Variants in NFAM1 observed in about 807,000 individuals in gnomAD.
NFAM1 encodes NFAT activation molecule 1.
A neutral mutation model predicts 29.0 loss-of-function variants in NFAM1; 17 were observed. That is an observed-to-expected ratio of 0.59 (90% CI 0.40 to 0.88). The LOEUF is 0.88. Among genes scored for constraint, NFAM1 ranks in the 40% least tolerant of loss-of-function variants. The pLI, the probability that NFAM1 is intolerant of heterozygous loss-of-function variation, is 0.00. For missense variants in NFAM1, 324 were observed against 344.6 expected, an observed-to-expected ratio of 0.94 and a Z score of 0.47; for synonymous variants, 175 against 147.2, an observed-to-expected ratio of 1.19 and a Z score of -1.36.
chr22:42,415,857 G>A (rs1930244853), intron 1 of NFAM1, among the ~76,000 whole-genome samples: 1 of 152,168 alleles, frequency 6.6e-6, no homozygotes, highest in Non-Finnish European at 1.5e-5. Flanking sequence ...CATTGAAGGG[G>A]TACCAGTTAG....
upstream of NFAM1, among the ~76,000 whole-genome samples, chr22:42,432,929 C>T (rs987788484): frequency 1.3e-5 from 2 of 152,074 alleles, no homozygotes; most frequent in African/African-American, 4.8e-5. Context: ...GGCTGCCCAT[C>T]ATTCACCCAG....
At chr22:42,426,270 G>A (rs1004671326) in intron 1 of NFAM1, among the ~76,000 whole-genome samples, 1 of 152,152 alleles carries the variant, frequency 6.6e-6, no homozygotes, top group African/African-American at 2.4e-5. Context: ...GTTATGCTCT[G>A]TGGACCTCTG....
upstream of NFAM1, among the ~76,000 whole-genome samples, chr22:42,433,330 G>C (rs1050275559): frequency 6.6e-6 from 1 of 152,326 alleles, no homozygotes; most frequent in East Asian, 1.9e-4. Flanking sequence ...CATGCTGAGC[G>C]CTTACCTCCC....
intron 5 of NFAM1, among the ~76,000 whole-genome samples, 183 bp downstream of exon 5, chr22:42,386,806 G>A (rs559256199): frequency 6.6e-6 from 1 of 152,202 alleles, no homozygotes; most frequent in East Asian, 1.9e-4. Flanking sequence ...CAGTGGCTAA[G>A]GGACAGAGCA....
chr22:42,418,340 A>C (rs542643985), intron 1 of NFAM1, among the ~76,000 whole-genome samples: 1 of 152,320 alleles, frequency 6.6e-6, no homozygotes, highest in South Asian at 2.1e-4. Flanking sequence ...GCCACGGGCC[A>C]GGCTGCCTTT....
intron 2 of NFAM1, among the ~76,000 whole-genome samples, chr22:42,410,946 C>G (rs902285685): frequency 6.6e-6 from 1 of 152,004 alleles, no homozygotes. Flanking sequence ...TAGGCCGGGG[C>G]TCCCTGAAGT....
At chr22:42,425,412 C>T (rs1217903593) in intron 1 of NFAM1, among the ~76,000 whole-genome samples, 2 of 152,154 alleles carry the variant, frequency 1.3e-5, no homozygotes, top group Admixed American at 1.3e-4. Context: ...ACTTGGCTAG[C>T]TCACTTTTAT....
chr22:42,435,815 CTTTT>C (rs890914167), upstream of NFAM1, among the ~76,000 whole-genome samples: 4 of 94,228 alleles, frequency 4.2e-5, no homozygotes, highest in East Asian at 2.4e-4. Flanking sequence ...TTTTCTTCTT[CTTTT>C]TTTTTTTTTT....
At chr22:42,394,212 AT>A (rs1426478976) in intron 4 of NFAM1, among the ~76,000 whole-genome samples, 2 of 151,278 alleles carry the variant, frequency 1.3e-5, no homozygotes, top group African/African-American at 4.9e-5. Context: ...ATTTTTTTGT[AT>A]TTTTAGTAGA....
chr22:42,395,401 G>A (rs1929486837), intron 4 of NFAM1, among the ~76,000 whole-genome samples: 1 of 151,792 alleles, frequency 6.6e-6, no homozygotes. Flanking sequence ...GCTTGAACAG[G>A]GGAGACAGAG....
chr22:42,387,278 C>G (rs914711559), intron 4 of NFAM1, among the ~76,000 whole-genome samples, 200 bp from the exon 5 acceptor site: 3 of 152,162 alleles, frequency 2.0e-5, no homozygotes, highest in African/African-American at 4.8e-5. Context: ...TGACCCCTCT[C>G]TGTTCTCGGC....
chr22:42,430,556 CAAA>C lies in NFAM1; in HGVS notation c.121+1678_121+1680del, dbSNP rs10684230. On this transcript the variant is annotated intron_variant, in intron 1 of 5. Coordinates refer to ENST00000329021, the MANE Select transcript of NFAM1 (RefSeq NM_145912.8). Reference sequence around the variant, plus strand: ...GCCTGAGTGACAAGAGTGAAACTCTCAAAAAAAAAAAAAAAAAAAAAAATCATG... The same window carrying C: ...GCCTGAGTGACAAGAGTGAAACTCTCAAAAAAAAAAAAAAAAAAAATCATG... 1.6e-3 allele frequency among the ~76,000 whole-genome samples: 119 copies of C among 72,952 alleles called. 1 individual carries two copies. Among genetic ancestry groups the C allele is most frequent in the African/African-American group, 6.0e-3 (110 of 18,212 alleles). The allele number at this position is 72,952 out of a possible 152,430, so 47.9% of individuals were successfully genotyped here.
intron 5 of NFAM1, among the ~76,000 whole-genome samples, chr22:42,385,604 C>T (rs1446563113): frequency 6.6e-6 from 1 of 152,096 alleles, no homozygotes; most frequent in Non-Finnish European, 1.5e-5. Context: ...CCCTCCCCAC[C>T]CTGGCTGGTC....
At chr22:42,431,166 C>T (rs1229893132) in intron 1 of NFAM1, among the ~76,000 whole-genome samples, 7 of 152,190 alleles carry the variant, frequency 4.6e-5, no homozygotes, top group Admixed American at 2.0e-4. Context: ...CTCTACTTAC[C>T]GGCTAGGTCT....
In NFAM1 at chr22:42,409,995, G is replaced by A. The variant is rs1038085052; in HGVS notation, c.452-448C>T. 6.6e-6 allele frequency among the ~76,000 whole-genome samples: 1 copy of A among 152,120 alleles called. No individual in the cohort carries two copies. The highest frequency in any genetic ancestry group is 2.4e-5 in the African/African-American group (1 of 41,426). On this transcript the variant is annotated intron_variant, in intron 2 of 5. Transcript: ENST00000329021. The surrounding 1 kb of genome is among the most constrained non-coding windows in gnomAD (Gnocchi z 4.9). ...GCCCTCCTACCCCATGCCATCCCCA[G>A]TCCCTCCTGCTGGCATCCAGTCCTC... is the stretch of plus-strand genomic sequence containing the variant.
chr22:42,394,073 C>A (rs1391859786), intron 4 of NFAM1, among the ~76,000 whole-genome samples: 1 of 151,046 alleles, frequency 6.6e-6, no homozygotes, highest in Admixed American at 6.6e-5. Flanking sequence ...TTCGCTCTTG[C>A]TGCCCAGGCT....
chr22:42,410,572 T>C (rs1247180104), intron 2 of NFAM1: 9 of 261,240 alleles, frequency 3.4e-5, no homozygotes, highest in Admixed American at 2.9e-4. Context: ...GGCATGAGAA[T>C]CGCTTGAACC....
chr22:42,401,247 T>C (rs1019657059), intron 3 of NFAM1, among the ~76,000 whole-genome samples: 1 of 152,160 alleles, frequency 6.6e-6, no homozygotes, highest in Non-Finnish European at 1.5e-5. Flanking sequence ...ATCTTAGACA[T>C]TGCGAACAGC....
At chr22:42,433,174 TG>T (rs1930861030), upstream of NFAM1, among the ~76,000 whole-genome samples, 1 of 152,176 alleles carries the variant, frequency 6.6e-6, no homozygotes. Context: ...CCCAGCAGAC[TG>T]GGAGCCCCTC....
Sources: gnomAD v4.1 joint callset for allele counts (sites outside exome capture counted in the v4.1 genomes callset) on GRCh38, gnomAD v4.1.1 for gene constraint, Gnocchi (gnomAD v3.1) non-coding constraint, MANE v1.5 for transcripts, NCBI Gene and HGNC (gene_info 2026-07-23, HGNC 2026-07-21) for gene names.